The following SCUBE1 variants were observed in gnomAD, a reference collection of about 807,000 sequenced individuals.
SCUBE1 encodes the protein signal peptide, CUB and EGF-like domain-containing protein 1.
In SCUBE1, 59 loss-of-function variants were observed where a neutral mutation model predicts 124.4. The ratio of observed to expected loss-of-function variants is 0.47; its 90% CI spans 0.38 to 0.59. The LOEUF is 0.59. Among genes scored for constraint, SCUBE1 ranks in the 20% least tolerant of loss-of-function variants. The probability of loss-of-function intolerance (pLI) is 0.00; values close to 1 mark genes in which losing one functional copy is unlikely to be tolerated. For synonymous variants in SCUBE1, 545 were observed against 550.9 expected, an observed-to-expected ratio of 0.99 and a Z score of 0.15; for missense variants, 1,150 against 1,371.2, an observed-to-expected ratio of 0.84 and a Z score of 2.55.
rs752275627 is a variant in SCUBE1 at position 43,218,406 on chromosome 22, G to T, written c.1740C>A (p.Ala580=). 1.2e-6 allele frequency: 2 copies of T among 1,613,206 alleles called. No homozygotes were observed. Among genetic ancestry groups the T allele is most frequent in the African/African-American group, 2.7e-5 (2 of 74,956 alleles). The change falls in exon 15 of 22, where the codon GCC becomes GCA. Residue 580 remains alanine (A), a synonymous_variant. Transcript: ENST00000360835. The part of the protein sequence containing the change: ...LRKRAEQSLQ[A]AIKTLRKSIG... ...TGGACTTGCGCAGGGTCTTGATGGC[G>T]GCCTGCAGGCTCTGTTCTGCTCGCT...
At chr22:43,319,896 C>G (rs1926484158) in intron 3 of SCUBE1, 41 bp downstream of exon 3, 1 of 1,605,924 alleles carries the variant, frequency 6.2e-7, no homozygotes, top group Non-Finnish European at 8.5e-7. Context: ...AAGCAACAGG[C>G]AGGGTGTGCC....
At chr22:43,332,060 G>A (rs1330891848) in intron 2 of SCUBE1, among the ~76,000 whole-genome samples, 1 of 152,202 alleles carries the variant, frequency 6.6e-6, no homozygotes, top group Non-Finnish European at 1.5e-5. Flanking sequence ...GCTGAGGCAG[G>A]AGGATCACTT....
intron 4 of SCUBE1, among the ~76,000 whole-genome samples, chr22:43,271,796 G>C (rs528498088): frequency 3.3e-4 from 50 of 152,270 alleles, no homozygotes; most frequent in African/African-American, 1.2e-3. Context: ...AGTGACCAAA[G>C]ACTGCGGGCT....
At chr22:43,224,527 C>T (rs1244329483) in intron 10 of SCUBE1, among the ~76,000 whole-genome samples, 1 of 152,246 alleles carries the variant, frequency 6.6e-6, no homozygotes, top group Non-Finnish European at 1.5e-5. Flanking sequence ...GCCCTGCATG[C>T]TTCCAACTCA....
intron 4 of SCUBE1, among the ~76,000 whole-genome samples, chr22:43,281,590 C>T (rs1416458822): frequency 3.0e-5 from 4 of 135,442 alleles, no homozygotes; most frequent in African/African-American, 1.2e-4. Flanking sequence ...CCTCCCTTCT[C>T]AGCCACCCTC....
rs201677167 is a variant in SCUBE1, at chr22:43,220,531, G to A, written c.1606C>T (p.Arg536Cys). The A allele has an allele frequency of 1.7e-5, 27 of 1,614,000 alleles. No homozygotes were observed. In the Middle Eastern group the frequency reaches 4.9e-4, roughly 29 times the overall value. The change falls in exon 14 of 22, where the codon CGT becomes TGT. Residue 536 changes from arginine to cysteine, a missense_variant. By Grantham distance (180) the Arg-to-Cys change is radical. Coordinates refer to ENST00000360835, the MANE Select transcript of SCUBE1 (RefSeq NM_173050.5). ...LKCDSSKKRR[R>C]GRKSPSKEVS... ...TCCTTGGATGGGGACTTGCGGCCAC[G>A]GCGCCTCTTCTTGGAGGAGTCACAC...
chr22:43,244,500 C>T (rs902212206), intron 6 of SCUBE1, among the ~76,000 whole-genome samples: 19 of 152,378 alleles, frequency 1.2e-4, no homozygotes, highest in African/African-American at 4.3e-4. Context: ...GGACCCTACC[C>T]TCTGTTGGGC....
chr22:43,209,054 GCCGGTC>G (rs1381540791), intron 19 of SCUBE1, among the ~76,000 whole-genome samples: 1 of 152,218 alleles, frequency 6.6e-6, no homozygotes, highest in Non-Finnish European at 1.5e-5. Context: ...GTGGTCCCAG[GCCGGTC>G]CCTTGCCCAT....
At chr22:43,331,049 G>T (rs1348147959) in intron 2 of SCUBE1, among the ~76,000 whole-genome samples, 1 of 152,126 alleles carries the variant, frequency 6.6e-6, no homozygotes, top group Non-Finnish European at 1.5e-5. Flanking sequence ...TGATGAAAAT[G>T]ATTTAATAAG....
intron 13 of SCUBE1, 106 bp from the exon 14 acceptor site, chr22:43,220,693 G>A: frequency 7.2e-7 from 1 of 1,397,880 alleles, no homozygotes; most frequent in Non-Finnish European, 9.6e-7. Flanking sequence ...CCTGGTCCGT[G>A]GTGCAGACGG....
intron 6 of SCUBE1, among the ~76,000 whole-genome samples, chr22:43,247,370 G>A (rs1923258102): frequency 6.6e-6 from 1 of 152,194 alleles, no homozygotes; most frequent in South Asian, 2.1e-4. Context: ...CTGAACCCCG[G>A]TCTGACTCTA....
At chr22:43,209,765 T>C (rs781288746) in intron 19 of SCUBE1, among the ~76,000 whole-genome samples, 1 of 152,220 alleles carries the variant, frequency 6.6e-6, no homozygotes, top group Non-Finnish European at 1.5e-5. Flanking sequence ...GCCCGGCTCG[T>C]GGCCGGAGTT....
chr22:43,334,778 T>C (rs986751657), intron 2 of SCUBE1, among the ~76,000 whole-genome samples: 1 of 152,202 alleles, frequency 6.6e-6, no homozygotes, highest in Non-Finnish European at 1.5e-5. Context: ...TACAGCATCA[T>C]ATGTGCCAAG....
chr22:43,204,287 T>C, intron 21 of SCUBE1, 138 bp from the exon 22 acceptor site: 2 of 677,146 alleles, frequency 3.0e-6, no homozygotes, highest in South Asian at 1.9e-5. Flanking sequence ...TTGGTTTTAA[T>C]AGTATAACTG....
intron 2 of SCUBE1, among the ~76,000 whole-genome samples, chr22:43,333,874 G>T (rs867840928): frequency 2.6e-5 from 4 of 152,202 alleles, no homozygotes; most frequent in South Asian, 2.1e-4. Context: ...GTTCTTGAGA[G>T]GATTAAATGA....
intron 3 of SCUBE1, 136 bp downstream of exon 3, chr22:43,319,801 T>A: frequency 9.5e-7 from 1 of 1,056,428 alleles, no homozygotes; most frequent in South Asian, 1.8e-5. Flanking sequence ...CTGTGGTATT[T>A]TGTTATGACA....
At chr22:43,299,168 A>C (rs965008555) in intron 3 of SCUBE1, among the ~76,000 whole-genome samples, 10 of 152,214 alleles carry the variant, frequency 6.6e-5, no homozygotes, top group African/African-American at 2.2e-4. Context: ...AAACAGGGAT[A>C]AAAGTCCCTG....
intron 6 of SCUBE1, among the ~76,000 whole-genome samples, chr22:43,245,208 C>T (rs1411146148): frequency 6.6e-6 from 1 of 152,258 alleles, no homozygotes; most frequent in Non-Finnish European, 1.5e-5. Flanking sequence ...TTATGGCCAG[C>T]GCTGTGCTGG....
intron 4 of SCUBE1, among the ~76,000 whole-genome samples, chr22:43,290,245 C>T (rs945683316): frequency 6.6e-6 from 1 of 152,302 alleles, no homozygotes; most frequent in South Asian, 2.1e-4. Context: ...GCTCTCTCCT[C>T]CAAGCACATG....
Sources: allele counts gnomAD v4.1 joint callset (sites outside exome capture counted in the v4.1 genomes callset), GRCh38; gene constraint gnomAD v4.1.1; transcripts MANE v1.5; gene names NCBI Gene and HGNC (gene_info 2026-07-23, HGNC 2026-07-21).